Variants in RGS3 observed in about 807,000 individuals in gnomAD.
RGS3 encodes regulator of G protein signaling 3, also known as regulator of G-protein signalling 3.
A neutral mutation model predicts 132.6 loss-of-function variants in RGS3; 80 were observed. The observed-to-expected ratio is 0.60, with a 90% CI of 0.50 to 0.73. The LOEUF is 0.73. RGS3 is among the 30% of genes least tolerant of loss of function. The pLI, the probability that RGS3 is intolerant of heterozygous loss-of-function variation, is 0.00. For missense variants in RGS3, 1,382 were observed against 1,530.8 expected (o/e 0.90, Z 1.62); for synonymous variants, 598 against 620.6 (o/e 0.96, Z 0.54).
At chr9:113,502,755 C>A (rs1830955837) in intron 10 of RGS3, among the ~76,000 whole-genome samples, 1 of 152,166 alleles carries the variant, frequency 6.6e-6, no homozygotes, top group South Asian at 2.1e-4. Context: ...ACTCAGAGTT[C>A]AAGATGGTTT....
At chr9:113,575,082 C>T (rs1049665938) in intron 19 of RGS3, among the ~76,000 whole-genome samples, 2 of 152,150 alleles carry the variant, frequency 1.3e-5, no homozygotes, top group African/African-American at 4.8e-5. Context: ...GGTGACAGGG[C>T]AGCACCGTGC....
chr9:113,485,331 C>T (rs1419987427), intron 6 of RGS3, among the ~76,000 whole-genome samples: 2 of 152,100 alleles, frequency 1.3e-5, no homozygotes, highest in African/African-American at 2.4e-5. Flanking sequence ...CCTCATGATC[C>T]GCCCACCTCT....
At chr9:113,503,783 C>A (rs1310528815) in intron 10 of RGS3, among the ~76,000 whole-genome samples, 1 of 152,216 alleles carries the variant, frequency 6.6e-6, no homozygotes, top group East Asian at 1.9e-4. Flanking sequence ...CCTAAAAAAT[C>A]CCCGCTGGTT....
chr9:113,481,226 C>T (rs1475583039), intron 4 of RGS3, among the ~76,000 whole-genome samples: 2 of 152,160 alleles, frequency 1.3e-5, no homozygotes, highest in East Asian at 3.8e-4. Context: ...GGGTTTATTG[C>T]TTTCTCCTTT....
At chr9:113,536,394 G>T in intron 18 of RGS3, 1 of 729,116 alleles carries the variant, frequency 1.4e-6, no homozygotes, top group Non-Finnish European at 1.7e-6. Context: ...CAGGGGAGGT[G>T]GGGAGGGTTC....
At chr9:113,532,832 C>T (rs1832527579) in intron 18 of RGS3, among the ~76,000 whole-genome samples, 1 of 152,118 alleles carries the variant, frequency 6.6e-6, no homozygotes, top group Non-Finnish European at 1.5e-5. Context: ...AGGGGGACAC[C>T]ATCCTGGAGC....
At chr9:113,513,166 G>T (rs567110620) in intron 14 of RGS3, among the ~76,000 whole-genome samples, 1 of 152,320 alleles carries the variant, frequency 6.6e-6, no homozygotes, top group East Asian at 1.9e-4. Context: ...CTGCACTCCA[G>T]CCTGAGCAAT....
chr9:113,561,422 C>G (rs1833778150), intron 19 of RGS3, among the ~76,000 whole-genome samples: 2 of 151,464 alleles, frequency 1.3e-5, no homozygotes, highest in Admixed American at 1.3e-4. Context: ...CTCTCTGTCT[C>G]TCTCTTTCAC....
chr9:113,467,296 G>A lies in RGS3; in HGVS notation c.415+5095G>A, dbSNP rs79181110. Among the ~76,000 whole-genome samples the A allele has an allele frequency of 4.4e-3, 675 of 152,256 alleles. 24 individuals are homozygous for A. The East Asian group carries it at 0.083, about 19-fold the overall frequency. The stretch of plus-strand genomic sequence containing the variant: ...GTAACTCTGTGTTTAACTATTTAGG[G>A]AACTACCAAACTCTTTTCCAAAGTA... On this transcript the variant is annotated intron_variant, in intron 3 of 24. Coordinates refer to ENST00000350696, the Ensembl canonical transcript of RGS3.
chr9:113,517,312 G>A, intron 15 of RGS3: 1 of 661,040 alleles, frequency 1.5e-6, no homozygotes, highest in Non-Finnish European at 2.8e-6. Flanking sequence ...TCACGGTGAG[G>A]GTTGATGGGG....
chr9:113,583,472 A>G (rs372747761), exon 20 of RGS3: 2 of 1,614,042 alleles, frequency 1.2e-6, no homozygotes, highest in Non-Finnish European at 1.7e-6. Flanking sequence ...GAGGCAGATG[A>G]GAAGAGGGAG....
intron 19 of RGS3, among the ~76,000 whole-genome samples, chr9:113,557,626 C>T (rs1330757122): frequency 2.0e-5 from 3 of 152,206 alleles, no homozygotes; most frequent in Admixed American, 6.5e-5. Flanking sequence ...GGCTCATCAA[C>T]CAGCATGGTC....
chr9:113,462,259 C>A, intron 3 of RGS3: 1 of 1,108,454 alleles, frequency 9.0e-7, no homozygotes, highest in Non-Finnish European at 1.2e-6. Context: ...TTGTTAAAGG[C>A]AGTGTTCACC....
At chr9:113,447,385 G>A (rs1324056260) in intron 1 of RGS3, among the ~76,000 whole-genome samples, 8 of 81,552 alleles carry the variant, frequency 9.8e-5, no homozygotes, top group Admixed American at 1.5e-4. Flanking sequence ...GATAAATAAG[G>A]TAGAAATGTC....
At chr9:113,522,996 G>C (rs773137637) in exon 17 of RGS3, 52 of 1,613,932 alleles carry the variant, frequency 3.2e-5, no homozygotes, top group Admixed American at 8.3e-5. Context: ...CCGCTGCGAC[G>C]TCCTGAGGAA....
At chr9:113,584,188 G>A (rs1363610007) in exon 20 of RGS3, 2 of 1,614,098 alleles carry the variant, frequency 1.2e-6, no homozygotes, top group Non-Finnish European at 8.5e-7. Flanking sequence ...CCAGGGGGCT[G>A]AGGGTGGCCT....
intron 20 of RGS3, chr9:113,589,768 G>A (rs939071364): frequency 1.3e-5 from 2 of 152,302 alleles, no homozygotes; most frequent in Admixed American, 1.3e-4. Context: ...AGGTTAGCGT[G>A]GGTGCCAGGA....
chr9:113,493,538 C>T (rs1271918374), intron 7 of RGS3, among the ~76,000 whole-genome samples: 1 of 152,118 alleles, frequency 6.6e-6, no homozygotes, highest in Non-Finnish European at 1.5e-5. Context: ...ATCCTGCCTC[C>T]CCACCCCTCG....
chr9:113,549,148 C>G (rs1833229857), intron 19 of RGS3, among the ~76,000 whole-genome samples: 1 of 152,210 alleles, frequency 6.6e-6, no homozygotes, highest in Non-Finnish European at 1.5e-5. Context: ...GAGGTAGTAG[C>G]AGCCTCCTGC....
Sources: allele counts gnomAD v4.1 joint callset (sites outside exome capture counted in the v4.1 genomes callset), GRCh38; gene constraint gnomAD v4.1.1; transcripts MANE v1.5; gene names NCBI Gene and HGNC (gene_info 2026-07-23, HGNC 2026-07-21).